The following AKR1C8 variants were observed in gnomAD, a reference collection of about 807,000 sequenced individuals.
The protein encoded by AKR1C8 is aldo-keto reductase family 1 member C-like protein 1.
the AKR1C8 span, among the ~76,000 whole-genome samples, chr10:5,180,278 G>T: frequency 6.6e-6 from 1 of 152,206 alleles, no homozygotes; most frequent in Non-Finnish European, 1.5e-5. Flanking sequence ...AGCAGAGATT[G>T]CAGAACAGCG....
chr10:5,130,271 G>A, the AKR1C8 span, among the ~76,000 whole-genome samples: 1 of 151,800 alleles, frequency 6.6e-6, no homozygotes, highest in Non-Finnish European at 1.5e-5. Flanking sequence ...GGACTTCCCT[G>A]AAAATAATAA....
chr10:5,171,349 AT>A, the AKR1C8 span, among the ~76,000 whole-genome samples: 1 of 152,062 alleles, frequency 6.6e-6, no homozygotes. Flanking sequence ...GCACACAATA[AT>A]TTTAACATAA....
chr10:5,163,958 G>C, the AKR1C8 span, among the ~76,000 whole-genome samples: 16 of 151,962 alleles, frequency 1.1e-4, no homozygotes, highest in African/African-American at 3.9e-4. Flanking sequence ...TAACCAACAG[G>C]CTTCTAGAAA....
the AKR1C8 span, among the ~76,000 whole-genome samples, chr10:5,145,959 C>T: frequency 6.6e-6 from 1 of 151,850 alleles, no homozygotes; most frequent in Non-Finnish European, 1.5e-5. Context: ...AAATGTCCAA[C>T]AATGATAGAC....
the AKR1C8 span, among the ~76,000 whole-genome samples, chr10:5,126,470 C>G: frequency 1.4e-4 from 22 of 152,164 alleles, no homozygotes; most frequent in Non-Finnish European, 2.9e-4. Flanking sequence ...TAGCTTCCCC[C>G]CTTTACGTTG....
the AKR1C8 span, among the ~76,000 whole-genome samples, chr10:5,127,545 C>T: frequency 1.3e-5 from 2 of 151,784 alleles, no homozygotes; most frequent in South Asian, 4.2e-4. Context: ...ATGGTGAAAC[C>T]CAGTCTCTAC....
At chr10:5,157,840 G>A in the AKR1C8 span, 3 of 450,150 alleles carry the variant, frequency 6.7e-6, no homozygotes, top group East Asian at 7.1e-5. Flanking sequence ...AAGGATGCAG[G>A]ATGGAAAATC....
the AKR1C8 span, chr10:5,154,154 A>C: frequency 2.1e-6 from 1 of 470,366 alleles, no homozygotes; most frequent in Non-Finnish European, 4.4e-6. Flanking sequence ...TATTCTTCAG[A>C]AAATGGAAAA....
the AKR1C8 span, among the ~76,000 whole-genome samples, chr10:5,160,234 T>G: frequency 6.6e-6 from 1 of 152,164 alleles, no homozygotes; most frequent in South Asian, 2.1e-4. Context: ...GTAGACATAT[T>G]TGTTGTCTCC....
chr10:5,118,748 AATC>A, the AKR1C8 span, among the ~76,000 whole-genome samples: 1 of 152,174 alleles, frequency 6.6e-6, no homozygotes, highest in Non-Finnish European at 1.5e-5. Flanking sequence ...TTAATCTGCC[AATC>A]ATCAATTGAT....
chr10:5,123,477 G>T, the AKR1C8 span: 1 of 475,530 alleles, frequency 2.1e-6, no homozygotes, highest in East Asian at 3.4e-5. Flanking sequence ...CCCTGAGGCT[G>T]GATTCAGTTT....
the AKR1C8 span, among the ~76,000 whole-genome samples, chr10:5,184,341 TCA>T: frequency 2.1e-3 from 323 of 152,326 alleles, 1 homozygote; most frequent in African/African-American, 6.6e-3. Flanking sequence ...CTTAATTTTC[TCA>T]GTCATAAGAC....
chr10:5,168,089 GCCTAGACT>G, the AKR1C8 span, among the ~76,000 whole-genome samples: 1 of 151,842 alleles, frequency 6.6e-6, no homozygotes, highest in African/African-American at 2.4e-5. Context: ...GGATGGACAG[GCCTAGACT>G]CCTGAGAAAA....
At chr10:5,169,139 T>C in the AKR1C8 span, among the ~76,000 whole-genome samples, 1 of 152,184 alleles carries the variant, frequency 6.6e-6, no homozygotes, top group Admixed American at 6.5e-5. Flanking sequence ...AGCTGTCTTT[T>C]CTGTGTTTTA....
chr10:5,176,684 G>A, the AKR1C8 span, among the ~76,000 whole-genome samples: 2 of 152,010 alleles, frequency 1.3e-5, no homozygotes, highest in Non-Finnish European at 2.9e-5. Context: ...TCCTTGAAGA[G>A]GTCCTTCACA....
At chr10:5,161,596 A>G in the AKR1C8 span, 2 of 460,418 alleles carry the variant, frequency 4.3e-6, no homozygotes, top group Non-Finnish European at 8.7e-6. Context: ...CAATGCCCTC[A>G]ACTGTCTAGG....
chr10:5,140,500 A>G, the AKR1C8 span, among the ~76,000 whole-genome samples: 1 of 152,270 alleles, frequency 6.6e-6, no homozygotes, highest in Admixed American at 6.5e-5. Context: ...CTTTGTAGGG[A>G]CATGGATGAA....
chr10:5,133,704 T>C, the AKR1C8 span, among the ~76,000 whole-genome samples: 5 of 152,180 alleles, frequency 3.3e-5, no homozygotes, highest in Non-Finnish European at 7.3e-5. Flanking sequence ...TACAAGCAGT[T>C]AATTATAGAC....
the AKR1C8 span, among the ~76,000 whole-genome samples, chr10:5,125,629 A>T: frequency 6.6e-6 from 1 of 152,318 alleles, no homozygotes; most frequent in East Asian, 1.9e-4. Flanking sequence ...GTTGCCTGCA[A>T]CTACCTGACT....
Sources: allele counts gnomAD v4.1 joint callset (sites outside exome capture counted in the v4.1 genomes callset), GRCh38; gene constraint gnomAD v4.1.1; transcripts MANE v1.5; gene names NCBI Gene and HGNC (gene_info 2026-07-23, HGNC 2026-07-21).